The following DICER1 variants were observed in gnomAD, a reference collection of about 807,000 sequenced individuals.
DICER1 encodes dicer 1, ribonuclease III, also known as endoribonuclease Dicer.
A neutral mutation model predicts 194.1 loss-of-function variants in DICER1; 43 were observed. That is an observed-to-expected ratio of 0.22 (90% CI 0.17 to 0.29). DICER1 has a LOEUF of 0.29. Among genes scored for constraint, DICER1 ranks in the 10% least tolerant of loss-of-function variants. DICER1 has a pLI of 1.00. For missense variants in DICER1, 1,608 were observed against 2,317.0 expected (o/e 0.69, Z 6.28); for synonymous variants, 832 against 820.5 (o/e 1.01, Z -0.24).
intron 1 of DICER1, among the ~76,000 whole-genome samples, chr14:95,149,113 T>C (rs774157768): frequency 3.3e-5 from 5 of 152,250 alleles, no homozygotes; most frequent in Admixed American, 6.5e-5. Context: ...TAGAATTTTA[T>C]TCAATTCACG....
intron 11 of DICER1, 144 bp downstream of exon 11, chr14:95,115,523 A>T: frequency 1.1e-6 from 1 of 912,652 alleles, no homozygotes; most frequent in Non-Finnish European, 1.7e-6. Context: ...AAATGAAAAA[A>T]GAAGTAACTT....
chr14:95,142,437 A>G (rs1259951838), intron 1 of DICER1, among the ~76,000 whole-genome samples: 9 of 152,138 alleles, frequency 5.9e-5, no homozygotes, highest in Admixed American at 4.6e-4. Flanking sequence ...GCACACCAAC[A>G]TGTCCTGCTG....
chr14:95,133,307 A>G lies in DICER1; in HGVS notation c.144+8T>C. On this transcript the variant is annotated splice_region_variant and intron_variant, in intron 2 of 26. Coordinates refer to ENST00000343455, the MANE Select transcript of DICER1 (RefSeq NM_177438.3). The stretch of plus-strand genomic sequence containing the variant: ...AGAATGCTCCAGTATTAGTGTTCGC[A>G]TTAGTACCTGATATTTTCTTGGCGT... 1.2e-6 allele frequency: 2 copies of G among 1,614,010 alleles called. No homozygotes were observed. The highest frequency in any genetic ancestry group is 2.2e-5 in the East Asian group (1 of 44,878).
intron 8 of DICER1, among the ~76,000 whole-genome samples, chr14:95,119,479 A>G (rs779207251): frequency 6.6e-6 from 1 of 152,282 alleles, no homozygotes; most frequent in Non-Finnish European, 1.5e-5. Flanking sequence ...TACAGGCTTC[A>G]GGGAAAACAA....
At position 95,103,238 on chromosome 14, in the gene DICER1, A is replaced by T; in HGVS notation, c.4050+108T>A. On this transcript the variant is annotated intron_variant, in intron 21 of 26. Transcript: ENST00000343455. Reference sequence around the variant, plus strand: ...AGCAGCTGTGCTTGGCCGGTGTAGCAATTTCTGAGCATGATACGTTCTCAT... The same window carrying T: ...AGCAGCTGTGCTTGGCCGGTGTAGCTATTTCTGAGCATGATACGTTCTCAT... 4.7e-6 allele frequency: 6 copies of T among 1,274,782 alleles called. No homozygotes were observed. The South Asian group carries it at 7.2e-5, about 15-fold the overall frequency. The allele number at this position is 1,274,782 out of a possible 1,614,324, so 79.0% of individuals were successfully genotyped here.
chr14:95,139,273 A>G (rs1416907559), intron 1 of DICER1, among the ~76,000 whole-genome samples: 1 of 152,208 alleles, frequency 6.6e-6, no homozygotes. Context: ...ATTTCTCTTA[A>G]AACTCTGTTC....
intron 1 of DICER1, among the ~76,000 whole-genome samples, chr14:95,142,114 G>A (rs1170659225): frequency 6.6e-6 from 1 of 151,370 alleles, no homozygotes; most frequent in Non-Finnish European, 1.5e-5. Flanking sequence ...TTTTCTTTTT[G>A]TTTTTTATTT....
intron 1 of DICER1, among the ~76,000 whole-genome samples, chr14:95,137,741 T>C (rs1894514575): frequency 6.6e-6 from 1 of 152,196 alleles, no homozygotes; most frequent in African/African-American, 2.4e-5. Context: ...GGATGAGCTC[T>C]ACCAAGAAGC....
At chr14:95,146,468 A>G (rs539320848) in intron 1 of DICER1, among the ~76,000 whole-genome samples, 1 of 152,116 alleles carries the variant, frequency 6.6e-6, no homozygotes, top group African/African-American at 2.4e-5. Flanking sequence ...ACACTGGGGG[A>G]AAAACCACAC....
intron 1 of DICER1, among the ~76,000 whole-genome samples, chr14:95,135,165 CCA>C (rs1464665214): frequency 3.3e-5 from 5 of 152,202 alleles, no homozygotes; most frequent in African/African-American, 1.2e-4. Context: ...CACCTGGAAT[CCA>C]CTCTCGTGAT....
Position 95,103,588 on chromosome 14 carries a change from C to A in DICER1, c.3808G>T (p.Val1270Leu). ...VMPGTTDTIQ[V>L]LKGRMDSEQS... ...TCAGAATCCATCCTGCCCTTGAGCACTTGAATAGTGTCTGTCGTACCAGGC... is the reference window on the plus strand; with the variant it reads ...TCAGAATCCATCCTGCCCTTGAGCAATTGAATAGTGTCTGTCGTACCAGGC... The change falls in exon 21 of 27, where the codon GTG (valine) becomes TTG (leucine). Residue 1270 changes from valine to leucine, a missense_variant. Physicochemically the swap from Val to Leu is conservative, Grantham distance 32 (BLOSUM62 1). This residue lies in a region of DICER1 where 222 missense variants were observed against 215.5 expected (regional missense o/e 1.03). Coordinates refer to ENST00000343455, the MANE Select transcript of DICER1 (RefSeq NM_177438.3). The A allele has an allele frequency of 6.2e-7, 1 of 1,614,182 alleles. No individual in the cohort carries two copies. The highest frequency in any genetic ancestry group is 8.5e-7 in the Non-Finnish European group (1 of 1,180,026).
chr14:95,095,621 C>T, intron 23 of DICER1: 1 of 635,028 alleles, frequency 1.6e-6, no homozygotes, highest in Non-Finnish European at 2.8e-6. Flanking sequence ...AGCCATACTC[C>T]CAACAACCAA....
intron 14 of DICER1, among the ~76,000 whole-genome samples, chr14:95,110,840 T>C (rs978037658): frequency 2.6e-5 from 4 of 152,316 alleles, no homozygotes. Flanking sequence ...CGATTCCCAA[T>C]GGCCCACACT....
chr14:95,138,657 G>GCCGA (rs1894597435), intron 1 of DICER1, among the ~76,000 whole-genome samples: 1 of 151,990 alleles, frequency 6.6e-6, no homozygotes, highest in East Asian at 1.9e-4. Context: ...CCTGACTTCT[G>GCCGA]CCGACCTGTA....
chr14:95,143,742 T>C (rs1005517661), intron 1 of DICER1, among the ~76,000 whole-genome samples: 20 of 152,226 alleles, frequency 1.3e-4, no homozygotes, highest in Non-Finnish European at 2.4e-4. Flanking sequence ...AATAATAACA[T>C]TGTTTTCTTT....
Position 95,093,947 on chromosome 14 carries a change from T to G in DICER1, c.5305A>C (p.Ile1769Leu). 1 of 1,614,130 alleles carries G rather than the reference T, an allele frequency of 6.2e-7. No individual in the cohort carries two copies. The highest frequency in any genetic ancestry group is 1.1e-5 in the South Asian group (1 of 91,082). ...KAVSPELFHVIDDFVQFQLEK... is the reference protein window; with the variant it reads ...KAVSPELFHVLDDFVQFQLEK... ...AGCTGAAACTGCACAAAGTCATCAATGACATGGAAGAGCTCAGGAGAGACA... is the reference window on the plus strand; with the variant it reads ...AGCTGAAACTGCACAAAGTCATCAAGGACATGGAAGAGCTCAGGAGAGACA... The change falls in exon 24 of 27, where the codon ATT (isoleucine) becomes CTT (leucine). Residue 1769 changes from isoleucine (I) to leucine (L), a missense_variant. Ile to Leu is a conservative substitution (Grantham distance 5). Coordinates refer to ENST00000343455, the MANE Select transcript of DICER1 (RefSeq NM_177438.3).
At chr14:95,128,128 A>G (rs1398794634) in intron 6 of DICER1, among the ~76,000 whole-genome samples, 1 of 152,238 alleles carries the variant, frequency 6.6e-6, no homozygotes, top group Non-Finnish European at 1.5e-5. Context: ...ATAAAAAATG[A>G]CCACCAGAAT....
intron 7 of DICER1, among the ~76,000 whole-genome samples, chr14:95,125,868 G>A (rs1478334863): frequency 4.0e-5 from 6 of 151,618 alleles, no homozygotes; most frequent in East Asian, 1.9e-4. Flanking sequence ...AAAGAGGAAA[G>A]GAAAGGGAAG....
At position 95,124,323 on chromosome 14, in the gene DICER1, C is replaced by T. The variant is rs150714784; in HGVS notation, c.1249G>A (p.Asp417Asn). Residue 417 changes from aspartate (D) to asparagine (N), a missense_variant, in exon 8 of 27, where the codon GAT becomes AAT. Coordinates refer to ENST00000343455, the MANE Select transcript of DICER1 (RefSeq NM_177438.3). This position sits in a 1 kb window ranked among gnomAD's most constrained non-coding sequence, Gnocchi z 4.5. ...DNYVSWSDSE[D>N]DDEDEEIEEK... is the part of the protein sequence containing the mutation. The stretch of plus-strand genomic sequence containing the variant: ...TCAATTTCTTCATCCTCATCATCAT[C>T]CTCAGAATCACTCCATGACACATAA... 1 of 1,613,908 alleles carries T rather than the reference C, an allele frequency of 6.2e-7. No individual in the cohort carries two copies. The highest frequency in any genetic ancestry group is 8.5e-7 in the Non-Finnish European group (1 of 1,179,848).
Sources: allele counts gnomAD v4.1 joint callset (sites outside exome capture counted in the v4.1 genomes callset), GRCh38; gene constraint gnomAD v4.1.1; regional missense constraint gnomAD v4.1.1; non-coding constraint Gnocchi (gnomAD v3.1); transcripts MANE v1.5; gene names NCBI Gene and HGNC (gene_info 2026-07-23, HGNC 2026-07-21).